Variants in TTC27 observed in about 807,000 individuals in gnomAD.
TTC27 encodes tetratricopeptide repeat domain 27.
TTC27 carries 79 observed loss-of-function variants against 115.9 expected under a neutral mutation model. The ratio of observed to expected loss-of-function variants is 0.68; its 90% CI spans 0.57 to 0.82. The LOEUF is 0.82. Among genes scored for constraint, TTC27 ranks in the 40% least tolerant of loss-of-function variants. The pLI, the probability that TTC27 is intolerant of heterozygous loss-of-function variation, is 0.00. For synonymous variants in TTC27, 401 were observed against 356.0 expected, an observed-to-expected ratio of 1.13 and a Z score of -1.42; for missense variants, 1,054 against 993.1, an observed-to-expected ratio of 1.06 and a Z score of -0.82.
intron 5 of TTC27, among the ~76,000 whole-genome samples, chr2:32,652,873 A>T (rs1255369231): frequency 6.6e-6 from 1 of 152,140 alleles, no homozygotes; most frequent in Non-Finnish European, 1.5e-5. Flanking sequence ...TATGAAACAT[A>T]GGCAAAGGAT....
rs1466275665 is a variant in TTC27 at position 32,650,311 on chromosome 2, A to AT, written c.640+84dup. 1.8e-5 allele frequency: 13 copies of AT among 718,130 alleles called. No homozygotes were observed. In the Admixed American group the frequency reaches 3.5e-4, roughly 19 times the overall value. 44.5% of individuals were successfully genotyped at this position (718,130 alleles called of 1,614,324 possible). A position where few individuals can be genotyped will look rare whatever the true frequency, so the allele number is the denominator to read the frequency against. On this transcript the variant is annotated intron_variant, in intron 5 of 19. Transcript: ENST00000317907. Reference sequence around the variant, plus strand: ...TGGCTGAGATACTCCTTTTTAGTTTATTTTTTGTCCGGTAGTAGTGCCTTT... The same window carrying AT: ...TGGCTGAGATACTCCTTTTTAGTTTATTTTTTTGTCCGGTAGTAGTGCCTTT...
At chr2:32,658,240 G>A (rs898177491) in intron 5 of TTC27, among the ~76,000 whole-genome samples, 11 of 152,032 alleles carry the variant, frequency 7.2e-5, no homozygotes, top group African/African-American at 2.7e-4. Flanking sequence ...CTCCCACTTC[G>A]TCCTCTCCAG....
chr2:32,669,470 T>C (rs1390190824), intron 7 of TTC27, among the ~76,000 whole-genome samples: 1 of 152,236 alleles, frequency 6.6e-6, no homozygotes, highest in Non-Finnish European at 1.5e-5. Flanking sequence ...TCATATTACC[T>C]TGTGTTAAAC....
intron 8 of TTC27, among the ~76,000 whole-genome samples, chr2:32,673,478 C>A (rs1040374348): frequency 2.6e-5 from 4 of 152,088 alleles, no homozygotes. Context: ...CCGCCCGCCT[C>A]GGCCTCCCAG....
At chr2:32,682,841 A>ATTTTTTT (rs1559204114) in intron 9 of TTC27, among the ~76,000 whole-genome samples, 4 of 77,498 alleles carry the variant, frequency 5.2e-5, no homozygotes, top group Non-Finnish European at 6.7e-5. Flanking sequence ...GATAATTTTT[A>ATTTTTTT]TTGTTGTTTT....
chr2:32,661,583 T>C (rs1022461431), intron 5 of TTC27, among the ~76,000 whole-genome samples: 1 of 152,150 alleles, frequency 6.6e-6, no homozygotes, highest in African/African-American at 2.4e-5. Flanking sequence ...CTGTTATTGG[T>C]GTATAGGAAT....
At chr2:32,660,621 G>C (rs1665510688) in intron 5 of TTC27, among the ~76,000 whole-genome samples, 1 of 151,834 alleles carries the variant, frequency 6.6e-6, no homozygotes, top group Non-Finnish European at 1.5e-5. Flanking sequence ...ATGGAGTTGT[G>C]TTTTTCTTGT....
At chr2:32,688,942 C>G (rs1242855972) in intron 9 of TTC27, among the ~76,000 whole-genome samples, 1 of 152,044 alleles carries the variant, frequency 6.6e-6, no homozygotes, top group Non-Finnish European at 1.5e-5. Flanking sequence ...TGCATAATAG[C>G]TTAAAACTGG....
intron 3 of TTC27, among the ~76,000 whole-genome samples, chr2:32,635,984 C>A (rs1045555045): frequency 6.6e-6 from 1 of 152,002 alleles, no homozygotes; most frequent in Non-Finnish European, 1.5e-5. Flanking sequence ...GGTTTTCATC[C>A]AAAATGGGAG....
intron 5 of TTC27, among the ~76,000 whole-genome samples, chr2:32,650,926 T>C (rs759834718): frequency 3.3e-5 from 5 of 152,086 alleles, no homozygotes; most frequent in African/African-American, 7.2e-5. Flanking sequence ...GGGAAAGACT[T>C]TGGAAAAGAG....
intron 16 of TTC27, among the ~76,000 whole-genome samples, chr2:32,803,395 G>C (rs1671025020): frequency 1.3e-5 from 2 of 152,188 alleles, no homozygotes; most frequent in African/African-American, 4.8e-5. Context: ...CATGCTGATG[G>C]TAAATGTCAT....
intron 15 of TTC27, among the ~76,000 whole-genome samples, chr2:32,785,416 T>G (rs1670313461): frequency 1.3e-5 from 2 of 152,200 alleles, no homozygotes; most frequent in African/African-American, 4.8e-5. Context: ...GCTCTGCATT[T>G]GTTTACTGTA....
intron 14 of TTC27, among the ~76,000 whole-genome samples, chr2:32,779,711 A>C (rs2148014645): frequency 6.6e-6 from 1 of 152,262 alleles, no homozygotes; most frequent in South Asian, 2.1e-4. Context: ...ATATCTAAGA[A>C]TCCATTGCCA....
chr2:32,660,598 G>C, intron 5 of TTC27, among the ~76,000 whole-genome samples: 1 of 151,736 alleles, frequency 6.6e-6, no homozygotes. Context: ...GGGGGACTAG[G>C]GGACACTTTT....
rs138524813 is a variant in TTC27 at position 32,806,013 on chromosome 2, C to G, written c.1999-5011C>G. On this transcript the variant is annotated intron_variant, in intron 16 of 19. Coordinates refer to ENST00000317907, the MANE Select transcript of TTC27 (RefSeq NM_017735.5). ...TCCAGTACTTTGGACATAACAGAGGCCTTAGTCTTTATTTCAGTGACAACC... is the reference window on the plus strand; with the variant it reads ...TCCAGTACTTTGGACATAACAGAGGGCTTAGTCTTTATTTCAGTGACAACC... 2.1e-3 allele frequency among the ~76,000 whole-genome samples: 321 copies of G among 152,258 alleles called. 2 individuals are homozygous for G. The highest frequency in any genetic ancestry group is 7.5e-3 in the African/African-American group (313 of 41,556).
At chr2:32,690,067 A>C (rs1666760865) in intron 9 of TTC27, among the ~76,000 whole-genome samples, 1 of 152,200 alleles carries the variant, frequency 6.6e-6, no homozygotes, top group African/African-American at 2.4e-5. Flanking sequence ...AGGTTTTTGG[A>C]AACTGACTTG....
chr2:32,762,434 A>G (rs953555797), intron 13 of TTC27, among the ~76,000 whole-genome samples: 1 of 152,066 alleles, frequency 6.6e-6, no homozygotes, highest in African/African-American at 2.4e-5. Flanking sequence ...AACGTCTTCA[A>G]TGTGAGGCTA....
chr2:32,664,023 G>A (rs1665665658), intron 5 of TTC27, among the ~76,000 whole-genome samples: 1 of 151,172 alleles, frequency 6.6e-6, no homozygotes, highest in Non-Finnish European at 1.5e-5. Flanking sequence ...AGACAAACCC[G>A]CTGAGAAAGA....
intron 16 of TTC27, among the ~76,000 whole-genome samples, chr2:32,793,685 G>A (rs1191175941): frequency 6.6e-6 from 1 of 152,006 alleles, no homozygotes; most frequent in Non-Finnish European, 1.5e-5. Flanking sequence ...ACCACGCCCG[G>A]CTAATTTTTG....
Sources: gnomAD v4.1 joint callset for allele counts (sites outside exome capture counted in the v4.1 genomes callset) on GRCh38, gnomAD v4.1.1 for gene constraint, MANE v1.5 for transcripts, NCBI Gene and HGNC (gene_info 2026-07-23, HGNC 2026-07-21) for gene names.